The following ZNF831 variants were observed in gnomAD, a reference collection of about 807,000 sequenced individuals.
ZNF831 encodes zinc finger protein 831.
A neutral mutation model predicts 95.8 loss-of-function variants in ZNF831; 59 were observed. The ratio of observed to expected loss-of-function variants is 0.62; its 90% confidence interval spans 0.50 to 0.77. The LOEUF (loss-of-function observed/expected upper bound fraction) is 0.77. ZNF831 is among the 30% of genes least tolerant of loss of function. ZNF831 has a pLI of 0.00. For synonymous variants in ZNF831, 961 were observed against 925.5 expected, an observed-to-expected ratio of 1.04 and a Z score of -0.70; for missense variants, 2,205 against 2,164.0, an observed-to-expected ratio of 1.02 and a Z score of -0.38.
rs771238515 is a variant in ZNF831, at chr20:59,192,150, C to A, written c.1131C>A (p.Gly377=). Residue 377 remains glycine (G), a synonymous_variant, in exon 2 of 6, where the codon GGC becomes GGA. Coordinates refer to ENST00000371030, the MANE Select transcript of ZNF831 (RefSeq NM_178457.3). This position sits in a 1 kb window ranked among gnomAD's most constrained non-coding sequence, Gnocchi z 5.2. The part of the protein sequence containing the change: ...SEHSAESEGE[G]GPGPGPGVAG... The stretch of plus-strand genomic sequence containing the variant: ...ACAGCGCCGAGTCCGAGGGGGAGGG[C>A]GGCCCGGGCCCGGGGCCAGGGGTCG... 1.9e-6 allele frequency: 3 copies of A among 1,557,936 alleles called. No individual in the cohort carries two copies. The highest frequency in any genetic ancestry group is 2.6e-6 in the Non-Finnish European group (3 of 1,159,002).
chr20:59,174,373 A>G (rs2146501657), intron 1 of ZNF831, among the ~76,000 whole-genome samples: 2 of 152,322 alleles, frequency 1.3e-5, no homozygotes, highest in Non-Finnish European at 2.9e-5. Context: ...TAGGTATTAC[A>G]TTTTATATAT....
In ZNF831 at chr20:59,208,822, G is replaced by A. The variant is rs530109089; in HGVS notation, c.4027+1766G>A. Among the ~76,000 whole-genome samples, 2 of 152,222 alleles carry A rather than the reference G, an allele frequency of 1.3e-5. No individual in the cohort carries two copies. The highest frequency in any genetic ancestry group is 6.5e-5 in the Admixed American group (1 of 15,300). On this transcript the variant is annotated intron_variant, in intron 4 of 5. Coordinates refer to ENST00000371030, the MANE Select transcript of ZNF831 (RefSeq NM_178457.3). The surrounding 1 kb of genome is among the most constrained non-coding windows in gnomAD (Gnocchi z 4.2). The stretch of plus-strand genomic sequence containing the variant: ...GCTGGTAGCCCCCGCTACCTGGGAG[G>A]TTCTGATGGTCACTGGTGGAATCCA...
chr20:59,186,014 C>T (rs1156988111), intron 1 of ZNF831, among the ~76,000 whole-genome samples: 2 of 152,204 alleles, frequency 1.3e-5, no homozygotes, highest in East Asian at 1.9e-4. Context: ...ACAGAGCCTA[C>T]CCCGTGCATT....
chr20:59,254,830 C>CT lies in ZNF831; in HGVS notation c.*88dup, dbSNP rs1988104015. The CT allele has an allele frequency of 6.6e-7, 1 of 1,505,992 alleles. No individual in the cohort carries two copies. The highest frequency in any genetic ancestry group is 1.4e-5 in the African/African-American group (1 of 71,450). The allele number at this position is 1,505,992 out of a possible 1,614,324, so 93.3% of individuals were successfully genotyped here. A position where few individuals can be genotyped will look rare whatever the true frequency, so the allele number is the denominator to read the frequency against. Reference sequence around the variant, plus strand: ...GTCAGGCTGGCGGAAGAACTAAACTCTATCTGTGAAACACCTACAGATTAG... The same window carrying CT: ...GTCAGGCTGGCGGAAGAACTAAACTCTTATCTGTGAAACACCTACAGATTAG... On this transcript the variant is annotated 3_prime_UTR_variant, in exon 6 of 6. Transcript: ENST00000371030. This position sits in a 1 kb window ranked among gnomAD's most constrained non-coding sequence, Gnocchi z 4.5.
chr20:59,245,863 A>G (rs1987569393), intron 4 of ZNF831, among the ~76,000 whole-genome samples: 1 of 152,202 alleles, frequency 6.6e-6, no homozygotes, highest in Admixed American at 6.5e-5. Flanking sequence ...AGTGATCAAA[A>G]CACGTTCATC....
At chr20:59,245,028 G>A (rs1987521480) in intron 4 of ZNF831, among the ~76,000 whole-genome samples, 1 of 152,030 alleles carries the variant, frequency 6.6e-6, no homozygotes. Context: ...TTTCAAAAAC[G>A]GACTTACTCT....
chr20:59,175,317 AC>A (rs1982060686), intron 1 of ZNF831, among the ~76,000 whole-genome samples: 1 of 152,092 alleles, frequency 6.6e-6, no homozygotes, highest in Non-Finnish European at 1.5e-5. Flanking sequence ...TTATTTGAGC[AC>A]TTTTTAAGCT....
intron 4 of ZNF831, among the ~76,000 whole-genome samples, chr20:59,248,622 C>T (rs1464759681): frequency 6.6e-6 from 1 of 152,300 alleles, no homozygotes; most frequent in East Asian, 1.9e-4. Flanking sequence ...ATTATTTTCT[C>T]TACACTAATT....
At chr20:59,175,420 T>A (rs1033206102) in intron 1 of ZNF831, among the ~76,000 whole-genome samples, 3 of 152,072 alleles carry the variant, frequency 2.0e-5, no homozygotes, top group East Asian at 3.8e-4. Flanking sequence ...TTCATTTTTT[T>A]TTTATTTTTT....
At chr20:59,233,546 G>T (rs1236098133) in intron 4 of ZNF831, among the ~76,000 whole-genome samples, 1 of 152,160 alleles carries the variant, frequency 6.6e-6, no homozygotes, top group African/African-American at 2.4e-5. Flanking sequence ...AAACAGCAAA[G>T]AATTGAGATT....
In ZNF831 at chr20:59,202,686, T is replaced by C. The variant is rs554284976; in HGVS notation, c.3876-4219T>C. On this transcript the variant is annotated intron_variant, in intron 3 of 5. Coordinates refer to ENST00000371030, the MANE Select transcript of ZNF831 (RefSeq NM_178457.3). The stretch of plus-strand genomic sequence containing the variant: ...TCTCAGCTTTATGCAGGAAAGGAGG[T>C]TGGGTCTTCCATGTGCCTCTCACTG... Among the ~76,000 whole-genome samples the C allele has an allele frequency of 9.2e-5, 14 of 152,104 alleles. 1 individual carries two copies. Among genetic ancestry groups the C allele is most frequent in the African/African-American group, 3.4e-4 (14 of 41,476 alleles).
In ZNF831 at chr20:59,182,084, C is replaced by T. The variant is rs151015614; in HGVS notation, c.-36-8900C>T. On this transcript the variant is annotated intron_variant, in intron 1 of 5. Transcript: ENST00000371030. Reference sequence around the variant, plus strand: ...ACTCCTTGATCTTGGGTGAATCCCTCCATCTCTCAGCGCCTTATTCCTCTT... The same window carrying T: ...ACTCCTTGATCTTGGGTGAATCCCTTCATCTCTCAGCGCCTTATTCCTCTT... Among the ~76,000 whole-genome samples the T allele has an allele frequency of 1.7e-4, 26 of 152,262 alleles. No individual in the cohort carries two copies. In the East Asian group the frequency reaches 4.8e-3, roughly 28 times the overall value.
At chr20:59,138,506 G>A (rs562553049) in intron 1 of ZNF831, among the ~76,000 whole-genome samples, 1 of 152,284 alleles carries the variant, frequency 6.6e-6, no homozygotes, top group Admixed American at 6.5e-5. Flanking sequence ...TCTCTGCTCT[G>A]CCTGTGAGGT....
At chr20:59,250,641 AACG>A (rs926217165) in intron 4 of ZNF831, among the ~76,000 whole-genome samples, 2 of 152,220 alleles carry the variant, frequency 1.3e-5, no homozygotes, top group African/African-American at 4.8e-5. Context: ...AAACTTCAAC[AACG>A]ACAACAACAA....
chr20:59,202,343 A>G (rs1263694013), intron 3 of ZNF831, among the ~76,000 whole-genome samples: 1 of 132,410 alleles, frequency 7.6e-6, no homozygotes. Context: ...TTTTTTTAAA[A>G]AAAAAAACAC....
At chr20:59,127,648 C>T (rs760858858) in intron 1 of ZNF831, among the ~76,000 whole-genome samples, 5 of 152,200 alleles carry the variant, frequency 3.3e-5, no homozygotes, top group African/African-American at 7.2e-5. Flanking sequence ...TATTTTCCAG[C>T]GTGATGGTTT....
chr20:59,174,231 G>A (rs915287290), intron 1 of ZNF831, among the ~76,000 whole-genome samples: 19 of 152,250 alleles, frequency 1.2e-4, no homozygotes, highest in Middle Eastern at 3.4e-3. Context: ...GGCTTTACGC[G>A]GCTTTAGTTT....
chr20:59,128,423 C>T (rs997123633), intron 1 of ZNF831, among the ~76,000 whole-genome samples: 2 of 152,200 alleles, frequency 1.3e-5, no homozygotes, highest in Non-Finnish European at 2.9e-5. Context: ...GGGAAGGCCT[C>T]TCTGAAGAGG....
chr20:59,191,754 C>A lies in ZNF831; in HGVS notation c.735C>A (p.Pro245=), dbSNP rs541168155. The change falls in exon 2 of 6, where the codon CCC becomes CCA. Residue 245 remains proline, a synonymous_variant. Coordinates refer to ENST00000371030, the MANE Select transcript of ZNF831 (RefSeq NM_178457.3). Reference sequence around the variant, plus strand: ...TGCACGAAGGCGCCTCGGAGAGACCCCTTTCTCCGGGTGCCCACGTGCCCC... The same window carrying A: ...TGCACGAAGGCGCCTCGGAGAGACCACTTTCTCCGGGTGCCCACGTGCCCC... The part of the protein sequence containing the change: ...QGMHEGASER[P]LSPGAHVPLL... The A allele has an allele frequency of 3.1e-6, 5 of 1,606,904 alleles. No individual in the cohort carries two copies. In the South Asian group the frequency reaches 5.5e-5, roughly 18 times the overall value.
Sources: gnomAD v4.1 joint callset for allele counts (sites outside exome capture counted in the v4.1 genomes callset) on GRCh38, gnomAD v4.1.1 for gene constraint, Gnocchi (gnomAD v3.1) non-coding constraint, MANE v1.5 for transcripts, NCBI Gene and HGNC (gene_info 2026-07-23, HGNC 2026-07-21) for gene names.